The following BSN variants were observed in gnomAD, a reference collection of about 807,000 sequenced individuals.
The protein encoded by BSN is bassoon presynaptic cytomatrix protein, also known as protein bassoon.
A neutral mutation model predicts 264.8 loss-of-function variants in BSN; 57 were observed. The observed-to-expected ratio is 0.22, with a 90% confidence interval of 0.17 to 0.27. BSN has a LOEUF of 0.27. Ranked by LOEUF, BSN falls within the 10% of genes least tolerant of loss-of-function variation. The pLI, the probability that BSN is intolerant of heterozygous loss-of-function variation, is 1.00. For synonymous variants in BSN, 2,059 were observed against 2,137.3 expected, an observed-to-expected ratio of 0.96 and a Z score of 1.01; for missense variants, 4,615 against 5,232.5, an observed-to-expected ratio of 0.88 and a Z score of 3.64.
At chr3:49,594,121 T>C (rs892653930) in intron 1 of BSN, among the ~76,000 whole-genome samples, 3 of 152,216 alleles carry the variant, frequency 2.0e-5, no homozygotes, top group African/African-American at 7.2e-5. Context: ...AAATTAAATA[T>C]GTAGTTTCAA....
Position 49,654,277 on chromosome 3 carries a change from C to A in BSN, c.4721C>A (p.Ala1574Asp), listed in dbSNP as rs148490451. ...TCCAGCCAGACCAGGATGGTACATG[C>A]CAGTGCCTCCACCTCCCCGCTCTGC... ...DASSQTRMVHASASTSPLCSP... is the reference protein window; with the variant it reads ...DASSQTRMVHDSASTSPLCSP... The change falls in exon 5 of 12, where the codon GCC becomes GAC. Residue 1574 changes from alanine to aspartate, a missense_variant. Physicochemically the swap from Ala to Asp is moderately radical, Grantham distance 126. This residue lies in a region of BSN where 3,415 missense variants were observed against 3,866.4 expected (regional missense o/e 0.88). Transcript: ENST00000296452. The surrounding 1 kb of genome is among the most constrained non-coding windows in gnomAD (Gnocchi z 4.1). 1.2e-6 allele frequency: 2 copies of A among 1,612,824 alleles called. No homozygotes were observed. Among genetic ancestry groups the A allele is most frequent in the Admixed American group, 3.3e-5 (2 of 59,906 alleles).
At position 49,663,517 on chromosome 3, in the gene BSN, C is replaced by T. The variant is rs1305112119; in HGVS notation, c.11359C>T (p.Leu3787=). Residue 3787 remains leucine, a synonymous_variant, in exon 7 of 12, where the codon CTG becomes TTG. Transcript: ENST00000296452. ...QTQQQQQGLG[L]QPPQQALTQA... is the part of the protein sequence containing the mutation. ...ACAGCAGCAGCAGCAAGGTCTTGGG[C>T]TGCAGCCCCCACAGCAGGCTCTGAC... 18 of 1,612,626 alleles carry T rather than the reference C, an allele frequency of 1.1e-5. No individual in the cohort carries two copies. Among genetic ancestry groups the T allele is most frequent in the Admixed American group, 1.7e-5 (1 of 59,974 alleles).
chr3:49,643,999 C>T (rs2052487131), intron 3 of BSN, among the ~76,000 whole-genome samples: 2 of 152,206 alleles, frequency 1.3e-5, no homozygotes, highest in African/African-American at 4.8e-5. Flanking sequence ...AGAATTAGAC[C>T]AGCCTGGGCC....
intron 1 of BSN, among the ~76,000 whole-genome samples, chr3:49,587,927 C>CT (rs1553659712): frequency 5.1e-5 from 7 of 138,244 alleles, no homozygotes; most frequent in African/African-American, 1.8e-4. Flanking sequence ...CTTTTCTTTT[C>CT]TTTTTTTTTT....
chr3:49,623,971 C>G (rs188313958), intron 1 of BSN, among the ~76,000 whole-genome samples: 1 of 152,092 alleles, frequency 6.6e-6, no homozygotes, highest in Non-Finnish European at 1.5e-5. Context: ...GTCTGGGAGT[C>G]GGAATTTTAA....
chr3:49,626,646 G>A (rs556527202), intron 2 of BSN, among the ~76,000 whole-genome samples: 2 of 152,342 alleles, frequency 1.3e-5, no homozygotes, highest in Admixed American at 6.5e-5. Flanking sequence ...TAAGGCCAGG[G>A]AAGCTCACCT....
rs771576472 is a variant in BSN, at chr3:49,657,651, G to A, written c.8095G>A (p.Glu2699Lys). 6.3e-7 allele frequency: 1 copy of A among 1,591,142 alleles called. No homozygotes were observed. The highest frequency in any genetic ancestry group is 1.1e-5 in the South Asian group (1 of 88,248). The change falls in exon 5 of 12, where the codon GAG (glutamate) becomes AAG (lysine). Residue 2699 changes from glutamate to lysine, a missense_variant. Glu to Lys is a moderately conservative substitution (Grantham distance 56). Transcript: ENST00000296452. Reference protein sequence around the residue: ...HITAATDPKVEIVRYISAPEK... With the variant: ...HITAATDPKVKIVRYISAPEK... ...CACAGCTGCCACCGATCCCAAGGTGGAGATCGTCAGGTACATATCGGCGCC... is the reference window on the plus strand; with the variant it reads ...CACAGCTGCCACCGATCCCAAGGTGAAGATCGTCAGGTACATATCGGCGCC...
chr3:49,607,718 A>G (rs2108042560), intron 1 of BSN, among the ~76,000 whole-genome samples: 1 of 152,336 alleles, frequency 6.6e-6, no homozygotes, highest in African/African-American at 2.4e-5. Flanking sequence ...TAATGCTCTC[A>G]ATGTGTGAAC....
At chr3:49,626,429 G>T (rs981390292) in intron 2 of BSN, among the ~76,000 whole-genome samples, 2 of 152,098 alleles carry the variant, frequency 1.3e-5, no homozygotes, top group East Asian at 3.9e-4. Context: ...TGGGACGTGT[G>T]GTTTGTGAGA....
intron 1 of BSN, among the ~76,000 whole-genome samples, chr3:49,577,103 G>A (rs2051850367): frequency 6.6e-6 from 1 of 152,012 alleles, no homozygotes; most frequent in Admixed American, 6.6e-5. Context: ...AATATGTATT[G>A]AGCACCTGTT....
intron 1 of BSN, among the ~76,000 whole-genome samples, chr3:49,584,945 C>T (rs908558725): frequency 6.6e-6 from 1 of 152,078 alleles, no homozygotes; most frequent in African/African-American, 2.4e-5. Context: ...TAGTTCTGGC[C>T]GTATTGTTGC....
chr3:49,575,546 G>A (rs571910237), intron 1 of BSN, among the ~76,000 whole-genome samples: 18 of 146,722 alleles, frequency 1.2e-4, no homozygotes, highest in African/African-American at 4.5e-4. Context: ...ATATATGTGT[G>A]TATAGATGTA....
chr3:49,673,087 CTTTTTTTTTTTTT>C (rs71080543), downstream of BSN, among the ~76,000 whole-genome samples: 43 of 43,216 alleles, frequency 1.0e-3, 1 homozygote, highest in East Asian at 8.1e-3. Context: ...CCGGCCGGGA[CTTTTTTTTTTTTT>C]TTTTTTTTTT....
intron 1 of BSN, among the ~76,000 whole-genome samples, chr3:49,606,328 T>TATATTATATATATTAAA (rs1559603760): frequency 2.4e-4 from 12 of 49,906 alleles, no homozygotes; most frequent in African/African-American, 5.4e-4. Context: ...ATTAAAAATA[T>TATATTATATATATTAAA]ATATATATTT....
At chr3:49,630,605 A>C (rs927174836) in intron 2 of BSN, among the ~76,000 whole-genome samples, 3 of 152,230 alleles carry the variant, frequency 2.0e-5, no homozygotes, top group Admixed American at 6.5e-5. Context: ...GACAACAGGC[A>C]TGGAATTCTA....
At chr3:49,631,549 C>T (rs1011940838) in intron 2 of BSN, among the ~76,000 whole-genome samples, 1 of 145,702 alleles carries the variant, frequency 6.9e-6, no homozygotes, top group African/African-American at 2.6e-5. Context: ...CAGAGTAAGA[C>T]TCTGTCTCAA....
chr3:49,606,328 T>TATATA (rs2052151662), intron 1 of BSN, among the ~76,000 whole-genome samples: 1 of 49,866 alleles, frequency 2.0e-5, no homozygotes, highest in African/African-American at 4.9e-5. Flanking sequence ...ATTAAAAATA[T>TATATA]ATATATATTT....
chr3:49,643,255 A>C, intron 3 of BSN, 103 bp downstream of exon 3: 1 of 1,471,650 alleles, frequency 6.8e-7, no homozygotes, highest in Non-Finnish European at 9.0e-7. Flanking sequence ...TGCAGCAGCC[A>C]TGGGGCTGCT....
At position 49,655,339 on chromosome 3, in the gene BSN, T is replaced by TGG; in HGVS notation, c.5784_5785dup (p.Ala1929GlyfsTer92). 1 of 1,602,486 alleles carries TGG rather than the reference T, an allele frequency of 6.2e-7. No homozygotes were observed. The highest frequency in any genetic ancestry group is 8.5e-7 in the Non-Finnish European group (1 of 1,174,486). ...GCCCCCAGTGTGCCTGAGAAGAGCA[T>TGG]GGCAGATGCTGCCCCACCTGGCCAA... On this transcript the variant is annotated frameshift_variant, in exon 5 of 12. Coordinates refer to ENST00000296452, the MANE Select transcript of BSN (RefSeq NM_003458.4). LOFTEE classifies it high-confidence loss of function.
Sources: gnomAD v4.1 joint callset for allele counts (sites outside exome capture counted in the v4.1 genomes callset) on GRCh38, gnomAD v4.1.1 for gene constraint, gnomAD v4.1.1 regional missense constraint, Gnocchi (gnomAD v3.1) non-coding constraint, MANE v1.5 for transcripts, NCBI Gene and HGNC (gene_info 2026-07-23, HGNC 2026-07-21) for gene names.